The following CRLF2 variants were observed in gnomAD, a reference collection of about 807,000 sequenced individuals.
CRLF2 encodes the protein cytokine receptor-like factor 2.
Under a neutral mutation model 38.7 loss-of-function variants are expected in CRLF2, and 41 were observed. The ratio of observed to expected loss-of-function variants is 1.06; its 90% CI spans 0.83 to 1.37. CRLF2 has a LOEUF of 1.37. CRLF2 is among the 40% of genes most tolerant of loss of function. The probability of loss-of-function intolerance (pLI) is 0.00; values close to 1 mark genes in which losing one functional copy is unlikely to be tolerated. For synonymous variants in CRLF2, 140 were observed against 128.8 expected, an observed-to-expected ratio of 1.09 and a Z score of -0.59; for missense variants, 377 against 322.2, an observed-to-expected ratio of 1.17 and a Z score of -1.30.
chrX:1,197,623 G>C (rs1488042082), intron 5 of CRLF2, among the ~76,000 whole-genome samples: 1 of 151,976 alleles, frequency 6.6e-6, no homozygotes, highest in South Asian at 2.1e-4. Context: ...AGACCAGCCT[G>C]GCCAATATGG....
intron 3 of CRLF2, among the ~76,000 whole-genome samples, chrX:1,204,613 C>T (rs1308440174): frequency 6.6e-6 from 1 of 150,838 alleles, no homozygotes; most frequent in African/African-American, 2.4e-5. Context: ...CTCCGCCTCC[C>T]GGGTTCAAGC....
chrX:1,210,177 C>T (rs1349203469), intron 1 of CRLF2, among the ~76,000 whole-genome samples: 2 of 151,190 alleles, frequency 1.3e-5, no homozygotes, highest in East Asian at 1.9e-4. Flanking sequence ...AGACTTTCTA[C>T]GTTTGCTAGG....
chrX:1,209,282 TATTGC>T lies in CRLF2; in HGVS notation c.80-379_80-375del, dbSNP rs1424670375. ...GCGCCTGACGTATTGTATTGCATTGTATTGCATTGTATTGTAGTGTAGTGTAGTGT... is the reference window on the plus strand; with the variant it reads ...GCGCCTGACGTATTGTATTGCATTGTATTGTATTGTAGTGTAGTGTAGTGT... On this transcript the variant is annotated intron_variant, in intron 1 of 7. Coordinates refer to ENST00000400841, the MANE Select transcript of CRLF2 (RefSeq NM_022148.4). Among the ~76,000 whole-genome samples, 432 of 138,258 alleles carry T rather than the reference TATTGC, an allele frequency of 3.1e-3. 5 individuals are homozygous for T. The highest frequency in any genetic ancestry group is 0.028 in the Admixed American group (376 of 13,602). The allele number at this position is 138,258 out of a possible 152,430, so 90.7% of individuals were successfully genotyped here. A position where few individuals can be genotyped will look rare whatever the true frequency, so the allele number is the denominator to read the frequency against.
intron 1 of CRLF2, among the ~76,000 whole-genome samples, chrX:1,212,080 G>A (rs1164476822): frequency 6.6e-6 from 1 of 151,724 alleles, no homozygotes. Context: ...GTGAATGTAT[G>A]AGTGGATGAA....
At chrX:1,201,894 A>C (rs1447558879) in intron 4 of CRLF2, among the ~76,000 whole-genome samples, 6 of 151,856 alleles carry the variant, frequency 4.0e-5, no homozygotes, top group African/African-American at 1.5e-4. Flanking sequence ...GATAAAAGAG[A>C]GTTGGTAGAT....
intron 5 of CRLF2, 113 bp from the exon 6 acceptor site, chrX:1,197,013 G>A (rs1434488419): frequency 3.7e-6 from 3 of 807,992 alleles, no homozygotes; most frequent in East Asian, 3.3e-5. Flanking sequence ...TTTGGTGTTC[G>A]TTTTTTTTTC....
intron 2 of CRLF2, among the ~76,000 whole-genome samples, chrX:1,208,071 TCTAA>T (rs1165304593): frequency 3.9e-5 from 6 of 152,282 alleles, no homozygotes; most frequent in East Asian, 1.9e-4. Flanking sequence ...CTTCTGGGTG[TCTAA>T]CTAAGCCAAA....
intron 2 of CRLF2, among the ~76,000 whole-genome samples, chrX:1,207,277 CAG>C: frequency 6.9e-6 from 1 of 145,752 alleles, no homozygotes. Flanking sequence ...TTTTTTGAAA[CAG>C]AGTTTTGTTC....
At chrX:1,197,989 A>G (rs1431573475) in intron 5 of CRLF2, among the ~76,000 whole-genome samples, 1 of 151,996 alleles carries the variant, frequency 6.6e-6, no homozygotes, top group East Asian at 1.9e-4. Flanking sequence ...GCACCATGAG[A>G]ATGTTTCTCA....
chrX:1,192,685 CTCTTTCT>C (rs1332449823), intron 7 of CRLF2, among the ~76,000 whole-genome samples: 9 of 135,250 alleles, frequency 6.7e-5, no homozygotes, highest in South Asian at 2.4e-4. Context: ...CTTTCTTTTT[CTCTTTCT>C]TTTTCTTTTC....
rs1319179000 is a variant in CRLF2 at position 1,208,850 on chromosome X, C to A, written c.138G>T (p.Trp46Cys). 1.9e-6 allele frequency: 3 copies of A among 1,612,820 alleles called. No homozygotes were observed. In the Admixed American group the frequency reaches 5.0e-5, roughly 27 times the overall value. ...YFNLETVQVT[W>C]NASKYSRTNL... ...TGGTCCTGGAGTATTTGCTGGCATT[C>A]CATGTCACCTGCACGGTTTCTAAAT... is the stretch of plus-strand genomic sequence containing the variant. Residue 46 changes from tryptophan (W) to cysteine (C), a missense_variant, in exon 2 of 8, where the codon TGG becomes TGT. Transcript: ENST00000400841.
In CRLF2 at chrX:1,196,906, A is replaced by G. The variant is rs1248559181; in HGVS notation, c.647-6T>C. ...TGGTGTCTCTGCACAGGCATCTGAA[A>G]CAAAATGAAAAGGCGGCTGTCAGTT... On this transcript the variant is annotated splice_polypyrimidine_tract_variant and splice_region_variant and intron_variant, in intron 5 of 7. Transcript: ENST00000400841. The G allele has an allele frequency of 6.2e-7, 1 of 1,611,524 alleles. No homozygotes were observed. The highest frequency in any genetic ancestry group is 8.5e-7 in the Non-Finnish European group (1 of 1,178,926).
Position 1,190,961 on chromosome X carries a change from C to T in CRLF2, c.1052G>A (p.Gly351Asp), listed in dbSNP as rs1365850141. 552 of 398,734 alleles carry T rather than the reference C, an allele frequency of 1.4e-3. 1 individual carries two copies. Among genetic ancestry groups the T allele is most frequent in the African/African-American group, 0.01 (492 of 48,764 alleles). 24.7% of individuals were successfully genotyped at this position (398,734 alleles called of 1,614,324 possible). A position where few individuals can be genotyped will look rare whatever the true frequency, so the allele number is the denominator to read the frequency against. The change falls in exon 8 of 8, where the codon GGT becomes GAT. Residue 351 changes from glycine (G) to aspartate (D), a missense_variant. Gly to Asp is a moderately conservative substitution (Grantham distance 94). Transcript: ENST00000400841. ...GAAGCCCCCGATTGTGACCACATCA[C>T]CGCCTTGGAGGGGCTGGTGGGGAAG... is the stretch of plus-strand genomic sequence containing the variant. Reference protein sequence around the residue: ...LQLPHQPLQGGDVVTIGGFTF... With the variant: ...LQLPHQPLQGDDVVTIGGFTF...
Position 1,192,760 on chromosome X carries a change from CTTT to C in CRLF2, c.852+455_852+457del, listed in dbSNP as rs2086415100. ...TCTTTCTTTCTTTCTTTCTTTCTTTCTTTCTTTCCTTCCTTCCTCTCTCCCCCT... is the reference window on the plus strand; with the variant it reads ...TCTTTCTTTCTTTCTTTCTTTCTTTCCTTTCCTTCCTTCCTCTCTCCCCCT... On this transcript the variant is annotated intron_variant, in intron 7 of 7. Transcript: ENST00000400841. Among the ~76,000 whole-genome samples the C allele has an allele frequency of 2.0e-4, 23 of 113,286 alleles. 1 individual carries two copies. The highest frequency in any genetic ancestry group is 3.4e-4 in the Non-Finnish European group (19 of 56,162). The allele number at this position is 113,286 out of a possible 152,430, so 74.3% of individuals were successfully genotyped here.
At chrX:1,197,012 C>A (rs1402459958) in intron 5 of CRLF2, 112 bp from the exon 6 acceptor site, 2 of 873,864 alleles carry the variant, frequency 2.3e-6, no homozygotes, top group South Asian at 3.9e-5. Flanking sequence ...TTTTGGTGTT[C>A]GTTTTTTTTT....
intron 4 of CRLF2, among the ~76,000 whole-genome samples, chrX:1,201,707 T>A (rs1277923964): frequency 1.5e-4 from 23 of 151,478 alleles, no homozygotes; most frequent in Non-Finnish European, 3.1e-4. Flanking sequence ...GATACTTAGA[T>A]AGATAGAGAC....
intron 3 of CRLF2, among the ~76,000 whole-genome samples, chrX:1,204,088 T>C (rs1181796779): frequency 6.9e-4 from 10 of 14,524 alleles, no homozygotes; most frequent in African/African-American, 1.3e-3. Context: ...ACCCTCTCTC[T>C]CAAAAAAAAG....
chrX:1,191,498 G>T (rs1245486243), intron 7 of CRLF2, among the ~76,000 whole-genome samples: 2 of 151,248 alleles, frequency 1.3e-5, no homozygotes, highest in African/African-American at 4.9e-5. Context: ...GGGCATCCAG[G>T]AGCTCTGACA....
rs755336540 is a variant in CRLF2, at chrX:1,209,476, T to C, written c.80-568A>G. ...CCTCCCGAGTAGCTGGGGCTACAGG[T>C]GCCCGCCACCATGCCTGGATAATTT... On this transcript the variant is annotated intron_variant, in intron 1 of 7. Coordinates refer to ENST00000400841, the MANE Select transcript of CRLF2 (RefSeq NM_022148.4). Among the ~76,000 whole-genome samples, 492 of 150,820 alleles carry C rather than the reference T, an allele frequency of 3.3e-3. 2 individuals carry two copies. Among genetic ancestry groups the C allele is most frequent in the African/African-American group, 0.012 (478 of 41,092 alleles).
Sources: gnomAD v4.1 joint callset for allele counts (sites outside exome capture counted in the v4.1 genomes callset) on GRCh38, gnomAD v4.1.1 for gene constraint, MANE v1.5 for transcripts, NCBI Gene and HGNC (gene_info 2026-07-23, HGNC 2026-07-21) for gene names.